Variants in USP31 observed in about 807,000 individuals in gnomAD.
USP31 encodes the protein ubiquitin specific peptidase 31.
A neutral mutation model predicts 119.4 loss-of-function variants in USP31; 44 were observed. The observed-to-expected ratio is 0.37, with a 90% CI of 0.29 to 0.47. The LOEUF (loss-of-function observed/expected upper bound fraction) is 0.47. USP31 is among the 20% of genes least tolerant of loss of function. The pLI is 0.99. For missense variants in USP31, 1,643 were observed against 1,730.2 expected (o/e 0.95, Z 0.89); for synonymous variants, 749 against 705.6 (o/e 1.06, Z -0.97).
At chr16:23,090,502 A>G in intron 7 of USP31, 122 bp downstream of exon 7, 1 of 1,055,224 alleles carries the variant, frequency 9.5e-7, no homozygotes, top group Non-Finnish European at 1.3e-6. Flanking sequence ...TATTCTTTCT[A>G]AATATCAGAA....
At chr16:23,078,767 C>T (rs1164295084) in intron 13 of USP31, among the ~76,000 whole-genome samples, 1 of 152,256 alleles carries the variant, frequency 6.6e-6, no homozygotes, top group African/African-American at 2.4e-5. Context: ...ACAACAACAA[C>T]AAAATGCCAG....
At chr16:23,111,464 C>T (rs1397980476) in intron 1 of USP31, among the ~76,000 whole-genome samples, 3 of 152,266 alleles carry the variant, frequency 2.0e-5, no homozygotes, top group East Asian at 3.9e-4. Context: ...AAAGAGTTCG[C>T]GGAATGAGTC....
chr16:23,078,316 A>AGC (rs1567227327), intron 13 of USP31, among the ~76,000 whole-genome samples: 1 of 151,316 alleles, frequency 6.6e-6, no homozygotes, highest in African/African-American at 2.4e-5. Context: ...GTCGCAAAAA[A>AGC]AAAAAAAAAA....
At chr16:23,085,100 A>T in intron 10 of USP31, 111 bp from the exon 11 acceptor site, 1 of 1,451,326 alleles carries the variant, frequency 6.9e-7, no homozygotes, top group Non-Finnish European at 9.2e-7. Flanking sequence ...GGAAAAAAAA[A>T]ATCAATGTGT....
intron 1 of USP31, among the ~76,000 whole-genome samples, 183 bp downstream of exon 1, chr16:23,148,455 G>A (rs1303618840): frequency 6.6e-6 from 1 of 152,242 alleles, no homozygotes; most frequent in African/African-American, 2.4e-5. Context: ...GAGTGAGTGA[G>A]TGAGTGAATA....
chr16:23,069,086 T>C lies in USP31; in HGVS notation c.3019A>G (p.Lys1007Glu). ...SVDSSPVKEV[K>E]APSHPGSLAK... ...AGTGAGCCTGGGTGGCTGGGGGCTT[T>C]CACCTCTTTGACTGGAGAGCTGTCT... is the stretch of plus-strand genomic sequence containing the variant. The change falls in exon 16 of 16, where the codon AAA becomes GAA. Residue 1007 changes from lysine (K) to glutamate (E), a missense_variant. By Grantham distance (56) the Lys-to-Glu change is moderately conservative. Around this residue, in one of 5 missense-constraint regions of USP31, gnomAD observed 699 missense variants for 650.9 expected, o/e 1.07. Transcript: ENST00000219689. 6.2e-7 allele frequency: 1 copy of C among 1,612,526 alleles called. No individual in the cohort carries two copies. Among genetic ancestry groups the C allele is most frequent in the Non-Finnish European group, 8.5e-7 (1 of 1,180,024 alleles).
chr16:23,090,942 C>T, intron 6 of USP31, 138 bp from the exon 7 acceptor site: 1 of 774,794 alleles, frequency 1.3e-6, no homozygotes, highest in African/African-American at 1.7e-5. Flanking sequence ...AAAAAAGAAA[C>T]ATCCTACTTA....
At chr16:23,103,528 T>C (rs2369524) in intron 5 of USP31, among the ~76,000 whole-genome samples, 48,683 of 152,122 alleles carry the variant, frequency 0.32, 8,076 homozygotes, top group African/African-American at 0.38. Flanking sequence ...CTATATAACA[T>C]AGTATTAAAG....
chr16:23,109,040 CAG>C (rs1567239068), intron 1 of USP31, among the ~76,000 whole-genome samples: 1 of 152,100 alleles, frequency 6.6e-6, no homozygotes, highest in Non-Finnish European at 1.5e-5. Flanking sequence ...TTCTCATAGT[CAG>C]AGAGGGAAGT....
Position 23,068,465 on chromosome 16 carries a change from C to T in USP31, c.3640G>A (p.Gly1214Ser), listed in dbSNP as rs758122878. The change falls in exon 16 of 16, where the codon GGT (glycine) becomes AGT (serine). Residue 1214 changes from glycine to serine, a missense_variant. By Grantham distance (56) the Gly-to-Ser change is moderately conservative. Transcript: ENST00000219689. The part of the protein sequence containing the change: ...LRSPSTSIKS[G>S]LKRDSKSEDK... The stretch of plus-strand genomic sequence containing the variant: ...TCAGACTTGCTGTCCCTCTTCAAAC[C>T]AGACTTGATGCTTGTGCTGGGGGAG... 1 of 1,613,392 alleles carries T rather than the reference C, an allele frequency of 6.2e-7. No individual in the cohort carries two copies. The highest frequency in any genetic ancestry group is 1.3e-5 in the African/African-American group (1 of 74,918).
intron 6 of USP31, among the ~76,000 whole-genome samples, chr16:23,101,992 A>AAC: frequency 6.7e-6 from 1 of 150,348 alleles, no homozygotes; most frequent in Non-Finnish European, 1.5e-5. Context: ...AAAAAAAAAA[A>AAC]AAACCTATGG....
In USP31 at chr16:23,068,654, C is replaced by G; in HGVS notation, c.3451G>C (p.Asp1151His). 6.2e-7 allele frequency: 1 copy of G among 1,614,222 alleles called. No individual in the cohort carries two copies. Among genetic ancestry groups the G allele is most frequent in the Non-Finnish European group, 8.5e-7 (1 of 1,180,040 alleles). ...GAGCCCTCTCTACTCAAGCTGTGGTCTGAAGTCCTGCTCTTCCCAGGTGGG... is the reference window on the plus strand; with the variant it reads ...GAGCCCTCTCTACTCAAGCTGTGGTGTGAAGTCCTGCTCTTCCCAGGTGGG... The part of the protein sequence containing the change: ...PFPPGKSRTS[D>H]HSLSREGSRQ... The change falls in exon 16 of 16, where the codon GAC (aspartate) becomes CAC (histidine). Residue 1151 changes from aspartate to histidine, a missense_variant. This residue lies in a region of USP31 where 699 missense variants were observed against 650.9 expected (regional missense o/e 1.07). Transcript: ENST00000219689.
At chr16:23,128,728 A>G (rs1485261610) in intron 1 of USP31, among the ~76,000 whole-genome samples, 1 of 152,198 alleles carries the variant, frequency 6.6e-6, no homozygotes, top group African/African-American at 2.4e-5. Flanking sequence ...TGGCACCACA[A>G]GAGATAAAAC....
rs1422032688 is a variant in USP31, at chr16:23,073,992, C to G, written c.2177-112G>C. On this transcript the variant is annotated intron_variant, in intron 13 of 15. Coordinates refer to ENST00000219689, the MANE Select transcript of USP31 (RefSeq NM_020718.4). ...TAATTAACTCAAGAACGTTTTAAGGCTGCGTATAGCAACACAGAAAGAGAT... is the reference window on the plus strand; with the variant it reads ...TAATTAACTCAAGAACGTTTTAAGGGTGCGTATAGCAACACAGAAAGAGAT... 5.0e-6 allele frequency: 7 copies of G among 1,397,152 alleles called. No individual in the cohort carries two copies. The Admixed American group carries it at 1.1e-4, about 21-fold the overall frequency. 86.5% of individuals were successfully genotyped at this position (1,397,152 alleles called of 1,614,324 possible). A position where few individuals can be genotyped will look rare whatever the true frequency, so the allele number is the denominator to read the frequency against.
chr16:23,095,122 CTAGAA>C (rs1901545133), intron 6 of USP31, among the ~76,000 whole-genome samples: 1 of 152,094 alleles, frequency 6.6e-6, no homozygotes, highest in Non-Finnish European at 1.5e-5. Context: ...AAATGGCTAA[CTAGAA>C]TAAACAGTGA....
In USP31 at chr16:23,148,931, G is replaced by C. The variant is rs1903620160; in HGVS notation, c.340C>G (p.Pro114Ala). The change falls in exon 1 of 16, where the codon CCC (proline) becomes GCC (alanine). Residue 114 changes from proline (P) to alanine (A), a missense_variant. Around this residue, in one of 5 missense-constraint regions of USP31, gnomAD observed 302 missense variants for 262.6 expected, o/e 1.15. Coordinates refer to ENST00000219689, the MANE Select transcript of USP31 (RefSeq NM_020718.4). ...PPPCPPPPAS[P>A]APPACAAEPV... Reference sequence around the variant, plus strand: ...TCGGCGGCGCAAGCGGGCGGCGCGGGAGAGGCGGGCGGCGGCGGGCACGGC... The same window carrying C: ...TCGGCGGCGCAAGCGGGCGGCGCGGCAGAGGCGGGCGGCGGCGGGCACGGC... The C allele has an allele frequency of 8.3e-7, 1 of 1,208,114 alleles. No homozygotes were observed. The highest frequency in any genetic ancestry group is 3.8e-5 in the South Asian group (1 of 26,402). The allele number at this position is 1,208,114 out of a possible 1,614,324, so 74.8% of individuals were successfully genotyped here. A position where few individuals can be genotyped will look rare whatever the true frequency, so the allele number is the denominator to read the frequency against.
At position 23,084,997 on chromosome 16, in the gene USP31, TA is replaced by T. The variant is rs1233075320; in HGVS notation, c.1701-9del. ...TCAGTATTTACAAATAAGCTGCAAT[TA>T]GGGGGAAAAGCATCTATCAGGGAAT... On this transcript the variant is annotated splice_polypyrimidine_tract_variant and intron_variant, in intron 10 of 15. Transcript: ENST00000219689. 1 of 1,613,504 alleles carries T rather than the reference TA, an allele frequency of 6.2e-7. No individual in the cohort carries two copies. The highest frequency in any genetic ancestry group is 8.5e-7 in the Non-Finnish European group (1 of 1,179,796).
At chr16:23,087,868 A>T (rs1901178258) in intron 7 of USP31, 33 bp from the exon 8 acceptor site, 1 of 1,560,380 alleles carries the variant, frequency 6.4e-7, no homozygotes, top group Non-Finnish European at 8.8e-7. Context: ...TCACCTTTAA[A>T]GTACGGTAAT....
chr16:23,126,443 T>C (rs1024692419), intron 1 of USP31, among the ~76,000 whole-genome samples: 16 of 144,234 alleles, frequency 1.1e-4, no homozygotes, highest in African/African-American at 3.9e-4. Context: ...GCTAACATGG[T>C]GAAACCTCGT....
Sources: allele counts gnomAD v4.1 joint callset (sites outside exome capture counted in the v4.1 genomes callset), GRCh38; gene constraint gnomAD v4.1.1; regional missense constraint gnomAD v4.1.1; transcripts MANE v1.5; gene names NCBI Gene and HGNC (gene_info 2026-07-23, HGNC 2026-07-21).